The following NUP88 variants were observed in gnomAD, a reference collection of about 807,000 sequenced individuals.
NUP88 encodes the protein nucleoporin 88, also known as nuclear pore complex protein Nup88.
NUP88 carries 57 observed loss-of-function variants against 93.9 expected under a neutral mutation model. The ratio of observed to expected loss-of-function variants is 0.61; its 90% confidence interval spans 0.49 to 0.76. The LOEUF (loss-of-function observed/expected upper bound fraction) is 0.76. NUP88 is among the 30% of genes least tolerant of loss of function. The pLI is 0.00. For missense variants in NUP88, 911 were observed against 901.0 expected (o/e 1.01, Z -0.14); for synonymous variants, 346 against 336.8 (o/e 1.03, Z -0.30).
At chr17:5,404,038 C>T in intron 7 of NUP88, 61 bp downstream of exon 7, 13 of 1,510,294 alleles carry the variant, frequency 8.6e-6, no homozygotes, top group Non-Finnish European at 1.2e-5. Flanking sequence ...TAGGAACAGT[C>T]TATGATAGTC....
chr17:5,417,057 C>G (rs1053158996), intron 1 of NUP88, among the ~76,000 whole-genome samples: 1 of 152,034 alleles, frequency 6.6e-6, no homozygotes, highest in Non-Finnish European at 1.5e-5. Flanking sequence ...ACACCTGTTC[C>G]CGTGCTCACA....
intron 7 of NUP88, among the ~76,000 whole-genome samples, chr17:5,400,493 CAAAAAAAAAAAAAA>C (rs1187634728): frequency 2.2e-5 from 1 of 44,740 alleles, no homozygotes; most frequent in Non-Finnish European, 4.7e-5. Context: ...AACTCCGTCT[CAAAAAAAAAAAAAA>C]AAAAAAAAAA....
intron 14 of NUP88, 118 bp from the exon 15 acceptor site, chr17:5,387,228 T>A: frequency 7.6e-7 from 1 of 1,316,894 alleles, no homozygotes; most frequent in Non-Finnish European, 1.1e-6. Flanking sequence ...TAGGAAGGGT[T>A]AGGGGAGAGC....
intron 5 of NUP88, among the ~76,000 whole-genome samples, chr17:5,408,429 G>C (rs558668439): frequency 3.3e-5 from 5 of 152,166 alleles, no homozygotes; most frequent in Non-Finnish European, 7.3e-5. Flanking sequence ...CCACGCCTAC[G>C]TGGTGTCTTG....
chr17:5,392,417 C>A (rs577164933), intron 9 of NUP88, among the ~76,000 whole-genome samples: 4 of 152,334 alleles, frequency 2.6e-5, no homozygotes, highest in South Asian at 2.1e-4. Context: ...CCCTTTAGAA[C>A]CAGCAGTCTT....
rs199804588 is a variant in NUP88, at chr17:5,400,139, T to TAAAAAAAAAAAAAAAAAA, written c.1193-490_1193-489insTTTTTTTTTTTTTTTTTT. ...GCAGGGTTGCCACATCTTTCATTTG[T>TAAAAAAAAAAAAAAAAAA]TAAAAAAAAAAAAAAAAAGCACTGT... On this transcript the variant is annotated intron_variant, in intron 7 of 16. Coordinates refer to ENST00000573584, the MANE Select transcript of NUP88 (RefSeq NM_002532.6). 7.2e-5 allele frequency among the ~76,000 whole-genome samples: 8 copies of TAAAAAAAAAAAAAAAAAA among 111,610 alleles called. 2 individuals are homozygous for TAAAAAAAAAAAAAAAAAA. The highest frequency in any genetic ancestry group is 3.9e-4 in the East Asian group (1 of 2,532). 73.2% of individuals were successfully genotyped at this position (111,610 alleles called of 152,430 possible).
intron 4 of NUP88, among the ~76,000 whole-genome samples, chr17:5,409,767 T>C (rs1247313626): frequency 4.6e-5 from 7 of 152,110 alleles, no homozygotes; most frequent in Non-Finnish European, 1.0e-4. Context: ...AAGAGGGTAT[T>C]GATGGAGGTG....
chr17:5,419,329 A>G lies in NUP88; in HGVS notation c.297+25T>C, dbSNP rs761048194. The G allele has an allele frequency of 2.6e-6, 4 of 1,531,780 alleles. No homozygotes were observed. In the Admixed American group the frequency reaches 8.9e-5, roughly 34 times the overall value. 94.9% of individuals were successfully genotyped at this position (1,531,780 alleles called of 1,614,324 possible). On this transcript the variant is annotated intron_variant, in intron 1 of 16. Coordinates refer to ENST00000573584, the MANE Select transcript of NUP88 (RefSeq NM_002532.6). ...ACTGGTTCCGATCCCGGTGAGGGTC[A>G]CTTCCAAGATCGGCCTGGCATTACC...
intron 1 of NUP88, among the ~76,000 whole-genome samples, chr17:5,418,408 T>C (rs1488225193): frequency 6.6e-6 from 1 of 151,890 alleles, no homozygotes; most frequent in East Asian, 2.0e-4. Context: ...GGCGCGCCAC[T>C]ACACCTGGCT....
intron 4 of NUP88, 54 bp downstream of exon 4, chr17:5,410,649 A>G (rs1913782119): frequency 1.8e-6 from 2 of 1,103,804 alleles, no homozygotes; most frequent in African/African-American, 3.2e-5. Flanking sequence ...AATTGCATTT[A>G]TAATCCCAAT....
intron 5 of NUP88, among the ~76,000 whole-genome samples, chr17:5,405,731 C>T (rs1000807869): frequency 7.2e-5 from 11 of 152,244 alleles, no homozygotes; most frequent in Admixed American, 3.3e-4. Flanking sequence ...ACTTAACCTT[C>T]TGCTGCATTT....
intron 5 of NUP88, among the ~76,000 whole-genome samples, chr17:5,407,089 T>G (rs1806247): frequency 6.6e-6 from 1 of 151,446 alleles, no homozygotes; most frequent in Admixed American, 6.6e-5. Flanking sequence ...CCTGAGATCA[T>G]GTGTGAAAGG....
chr17:5,386,332 G>A, intron 16 of NUP88, 63 bp from the exon 17 acceptor site: 1 of 1,241,498 alleles, frequency 8.1e-7, no homozygotes, highest in Admixed American at 2.0e-5. Flanking sequence ...GGATTCTTAA[G>A]AATTTAAACT....
chr17:5,419,481 G>C lies in NUP88; in HGVS notation c.170C>G (p.Thr57Arg). 6.2e-7 allele frequency: 1 copy of C among 1,614,050 alleles called. No individual in the cohort carries two copies. Among genetic ancestry groups the C allele is most frequent in the Non-Finnish European group, 8.5e-7 (1 of 1,179,980 alleles). ...LPSSPPPQLL[T>R]RNVVFGLGGE... ...GCCGAGGCCAAAGACCACGTTTCTC[G>C]TCAGCAACTGCGGCGGCGGCGACGA... Residue 57 changes from threonine to arginine, a missense_variant, in exon 1 of 17, where the codon ACG (threonine) becomes AGG (arginine). Physicochemically the swap from Thr to Arg is moderately conservative, Grantham distance 71 (BLOSUM62 -1). Transcript: ENST00000573584.
chr17:5,416,167 G>GTATATATATA (rs377002927), intron 2 of NUP88, among the ~76,000 whole-genome samples: 1 of 47,858 alleles, frequency 2.1e-5, no homozygotes, highest in African/African-American at 8.4e-5. Flanking sequence ...AAAAAAAAAA[G>GTATATATATA]TATATATATA....
intron 14 of NUP88, 48 bp downstream of exon 14, chr17:5,387,338 C>G: frequency 6.6e-7 from 1 of 1,504,762 alleles, no homozygotes; most frequent in South Asian, 1.1e-5. Context: ...TCTTAAATAT[C>G]GTTGTTAGTA....
rs754969006 is a variant in NUP88 at position 5,387,377 on chromosome 17, C to T, written c.1916+9G>A. The T allele has an allele frequency of 3.1e-6, 5 of 1,608,076 alleles. No homozygotes were observed. The South Asian group carries it at 4.4e-5, about 14-fold the overall frequency. ...GACTAGGTAACTAAATGTTATACAG[C>T]CCACTGACCTGTTCATGATATCCTC... On this transcript the variant is annotated intron_variant, in intron 14 of 16. Coordinates refer to ENST00000573584, the MANE Select transcript of NUP88 (RefSeq NM_002532.6).
rs767756522 is a variant in NUP88, at chr17:5,394,912, C to A, written c.1361G>T (p.Cys454Phe). Residue 454 changes from cysteine (C) to phenylalanine (F), a missense_variant, in exon 9 of 17, where the codon TGT (cysteine) becomes TTT (phenylalanine). Transcript: ENST00000573584. ...TTACCTGCAGGGCAATGGCTTCGTA[C>A]AAAGGATGTGTTCAACAAAGCATTT... ...EQKCFVEHIL[C>F]TKPLPCRQPA... The A allele has an allele frequency of 1.9e-6, 3 of 1,613,364 alleles. No individual in the cohort carries two copies. Among genetic ancestry groups the A allele is most frequent in the South Asian group, 1.1e-5 (1 of 91,056 alleles).
At chr17:5,408,982 C>A in intron 4 of NUP88, 73 bp from the exon 5 acceptor site, 1 of 1,319,784 alleles carries the variant, frequency 7.6e-7, no homozygotes, top group Non-Finnish European at 1.0e-6. Context: ...CAAAACAAAA[C>A]AAAAACACAA....
Sources: gnomAD v4.1 joint callset for allele counts (sites outside exome capture counted in the v4.1 genomes callset) on GRCh38, gnomAD v4.1.1 for gene constraint, MANE v1.5 for transcripts, NCBI Gene and HGNC (gene_info 2026-07-23, HGNC 2026-07-21) for gene names.